Variants in SARM1 observed in about 807,000 individuals in gnomAD.
SARM1 encodes sterile alpha and TIR motif containing 1.
Under a neutral mutation model 65.1 loss-of-function variants are expected in SARM1, and 60 were observed. The observed-to-expected ratio is 0.92, with a 90% CI of 0.75 to 1.14. SARM1 has a LOEUF of 1.14. Among genes scored for constraint, SARM1 ranks in the 50% most tolerant of loss-of-function variants. The probability of loss-of-function intolerance (pLI) is 0.00; values close to 1 mark genes in which losing one functional copy is unlikely to be tolerated. For synonymous variants in SARM1, 417 were observed against 465.4 expected (o/e 0.90, Z 1.34); for missense variants, 913 against 1,015.7 (o/e 0.90, Z 1.37).
In SARM1 at chr17:28,395,929, G is replaced by T; in HGVS notation, c.1948G>T (p.Gly650Cys). 1 of 1,613,890 alleles carries T rather than the reference G, an allele frequency of 6.2e-7. No homozygotes were observed. Among genetic ancestry groups the T allele is most frequent in the Non-Finnish European group, 8.5e-7 (1 of 1,179,866 alleles). The change falls in exon 8 of 9, where the codon GGC becomes TGC. Residue 650 changes from glycine to cysteine, a missense_variant. Coordinates refer to ENST00000585482, the MANE Select transcript of SARM1 (RefSeq NM_015077.4). ...GGAGATTGTGACTGCTTTAAGCTGC[G>T]GCAAGAACATTGTGCCCATCATTGA... Reference protein sequence around the residue: ...HKEIVTALSCGKNIVPIIDGF... With the variant: ...HKEIVTALSCCKNIVPIIDGF...
Position 28,400,264 on chromosome 17 carries a change from A to G in SARM1, c.*3978A>G, listed in dbSNP as rs559501607. On this transcript the variant is annotated 3_prime_UTR_variant, in exon 9 of 9. Coordinates refer to ENST00000585482, the MANE Select transcript of SARM1 (RefSeq NM_015077.4). ...CAAGCTAGCCTGTGGCCCAGCCACA[A>G]CTAGCTGACAAAGCTTCCTGGCCTT... 12 of 298,714 alleles carry G rather than the reference A, an allele frequency of 4.0e-5. No homozygotes were observed. Among genetic ancestry groups the G allele is most frequent in the South Asian group, 2.1e-4 (5 of 24,056 alleles). The allele number at this position is 298,714 out of a possible 1,614,324, so 18.5% of individuals were successfully genotyped here. A position where few individuals can be genotyped will look rare whatever the true frequency, so the allele number is the denominator to read the frequency against.
In SARM1 at chr17:28,403,388, T is replaced by C. The variant is rs1384668098; in HGVS notation, c.*7102T>C. On this transcript the variant is annotated 3_prime_UTR_variant, in exon 9 of 9. Coordinates refer to ENST00000585482, the MANE Select transcript of SARM1 (RefSeq NM_015077.4). ...GGCTTCCTGTTTTCTTCATAACCATTTCTCTCCCTGTGCGACTGCTGACTC... is the reference window on the plus strand; with the variant it reads ...GGCTTCCTGTTTTCTTCATAACCATCTCTCTCCCTGTGCGACTGCTGACTC... 6.6e-6 allele frequency: 1 copy of C among 152,456 alleles called. No individual in the cohort carries two copies. Among genetic ancestry groups the C allele is most frequent in the Non-Finnish European group, 1.5e-5 (1 of 68,058 alleles). The allele number at this position is 152,456 out of a possible 1,614,324, so 9.4% of individuals were successfully genotyped here. A position where few individuals can be genotyped will look rare whatever the true frequency, so the allele number is the denominator to read the frequency against.
In SARM1 at chr17:28,384,735, A is replaced by G; in HGVS notation, c.1303-104A>G. Reference sequence around the variant, plus strand: ...GTCACTCGGCTCTGATCTAGGTCCCATCCGCCTCCTCCACGCCATCTCCAG... The same window carrying G: ...GTCACTCGGCTCTGATCTAGGTCCCGTCCGCCTCCTCCACGCCATCTCCAG... On this transcript the variant is annotated intron_variant, in intron 3 of 8. Coordinates refer to ENST00000585482, the MANE Select transcript of SARM1 (RefSeq NM_015077.4). The surrounding 1 kb of genome is among the most constrained non-coding windows in gnomAD (Gnocchi z 4.4). The G allele has an allele frequency of 3.9e-6, 5 of 1,268,004 alleles. No individual in the cohort carries two copies. The highest frequency in any genetic ancestry group is 2.5e-5 in the East Asian group (1 of 39,538). The allele number at this position is 1,268,004 out of a possible 1,614,324, so 78.5% of individuals were successfully genotyped here.
At position 28,384,216 on chromosome 17, in the gene SARM1, A is replaced by G. The variant is rs1164640341; in HGVS notation, c.1090-141A>G. 9 of 639,056 alleles carry G rather than the reference A, an allele frequency of 1.4e-5. No individual in the cohort carries two copies. Among genetic ancestry groups the G allele is most frequent in the Non-Finnish European group, 2.4e-5 (9 of 381,636 alleles). The allele number at this position is 639,056 out of a possible 1,614,324, so 39.6% of individuals were successfully genotyped here. A position where few individuals can be genotyped will look rare whatever the true frequency, so the allele number is the denominator to read the frequency against. ...CAGGAGGGGGAATCCGCAGGACCCC[A>G]TGACTTAGTGGCTGAAGGTGGGGCC... On this transcript the variant is annotated intron_variant, in intron 2 of 8. Coordinates refer to ENST00000585482, the MANE Select transcript of SARM1 (RefSeq NM_015077.4). The surrounding 1 kb of genome is among the most constrained non-coding windows in gnomAD (Gnocchi z 4.4).
rs1401659612 is a variant in SARM1, at chr17:28,403,099, A to C, written c.*6813A>C. 6.6e-6 allele frequency: 1 copy of C among 152,222 alleles called. No individual in the cohort carries two copies. Among genetic ancestry groups the C allele is most frequent in the Non-Finnish European group, 1.5e-5 (1 of 68,084 alleles). 9.4% of individuals were successfully genotyped at this position (152,222 alleles called of 1,614,324 possible). On this transcript the variant is annotated 3_prime_UTR_variant, in exon 9 of 9. Coordinates refer to ENST00000585482, the MANE Select transcript of SARM1 (RefSeq NM_015077.4). ...GCCCCAGAAGCTGGAAGAAATGAGA[A>C]ACACGTTCTCTCCTGGAGGCTTGCA...
chr17:28,383,536 CT>C (rs1555585561), intron 2 of SARM1, among the ~76,000 whole-genome samples: 1 of 152,124 alleles, frequency 6.6e-6, no homozygotes, highest in Non-Finnish European at 1.5e-5. Context: ...GGAAAAGGGT[CT>C]TAAAGGAAGT....
chr17:28,396,056 G>A (rs782746104), intron 8 of SARM1, 30 bp downstream of exon 8: 4 of 1,613,546 alleles, frequency 2.5e-6, no homozygotes, highest in South Asian at 2.2e-5. Context: ...GACCAGGGGG[G>A]TAGGGTACAA....
Position 28,396,577 on chromosome 17 carries a change from A to T in SARM1, c.*291A>T, listed in dbSNP as rs1249384793. The T allele has an allele frequency of 1.7e-5, 7 of 422,610 alleles. No individual in the cohort carries two copies. Among genetic ancestry groups the T allele is most frequent in the Admixed American group, 1.1e-4 (3 of 26,268 alleles). 26.2% of individuals were successfully genotyped at this position (422,610 alleles called of 1,614,324 possible). On this transcript the variant is annotated 3_prime_UTR_variant, in exon 9 of 9. Transcript: ENST00000585482. ...AGGGTCCCTGCTCAGTTCTGGAGACACTGGAGTTGGGGTGGGGGTGGTTCT... is the reference window on the plus strand; with the variant it reads ...AGGGTCCCTGCTCAGTTCTGGAGACTCTGGAGTTGGGGTGGGGGTGGTTCT...
In SARM1 at chr17:28,400,502, A is replaced by G; in HGVS notation, c.*4216A>G. 1.4e-6 allele frequency: 2 copies of G among 1,433,936 alleles called. No homozygotes were observed. The highest frequency in any genetic ancestry group is 1.9e-6 in the Non-Finnish European group (2 of 1,057,974). The allele number at this position is 1,433,936 out of a possible 1,614,324, so 88.8% of individuals were successfully genotyped here. A position where few individuals can be genotyped will look rare whatever the true frequency, so the allele number is the denominator to read the frequency against. ...GGGCAACCTGGGACAAGACACCCAG[A>G]GGGTAAGGATTCCAGGAATGAAGCT... On this transcript the variant is annotated 3_prime_UTR_variant, in exon 9 of 9. Coordinates refer to ENST00000585482, the MANE Select transcript of SARM1 (RefSeq NM_015077.4).
At position 28,401,950 on chromosome 17, in the gene SARM1, G is replaced by A. The variant is rs78537256; in HGVS notation, c.*5664G>A. On this transcript the variant is annotated 3_prime_UTR_variant, in exon 9 of 9. Coordinates refer to ENST00000585482, the MANE Select transcript of SARM1 (RefSeq NM_015077.4). ...GCATCACCACACCCATCTTACAGAC[G>A]GAAAAGCTGAGGTCTGCAGAGAGTA... 1.5e-3 allele frequency: 373 copies of A among 244,548 alleles called. 3 individuals are homozygous for A. The highest frequency in any genetic ancestry group is 7.5e-3 in the African/African-American group (337 of 44,776). The allele number at this position is 244,548 out of a possible 1,614,324, so 15.1% of individuals were successfully genotyped here.
chr17:28,389,501 T>A (rs2068070017), intron 7 of SARM1, among the ~76,000 whole-genome samples: 1 of 152,192 alleles, frequency 6.6e-6, no homozygotes, highest in Non-Finnish European at 1.5e-5. Flanking sequence ...TATTAATCAT[T>A]AATCGGTCAG....
chr17:28,389,853 C>G (rs1188834815), intron 7 of SARM1, among the ~76,000 whole-genome samples: 2 of 152,190 alleles, frequency 1.3e-5, no homozygotes, highest in African/African-American at 4.8e-5. Context: ...GCTTGGGCAA[C>G]AGAGTGGGAC....
At position 28,388,519 on chromosome 17, in the gene SARM1, T is replaced by C. The variant is rs948740126; in HGVS notation, c.1903T>C (p.Cys635Arg). ...GGACAAGTGCATGCAAGACCATGACTGCAAGGATTGGGTGCATAAGGTAGG... is the reference window on the plus strand; with the variant it reads ...GGACAAGTGCATGCAAGACCATGACCGCAAGGATTGGGTGCATAAGGTAGG... ...ALDKCMQDHD[C>R]KDWVHKEIVT... The change falls in exon 7 of 9, where the codon TGC becomes CGC. Residue 635 changes from cysteine to arginine, a missense_variant. This residue lies in a region of SARM1 where 862 missense variants were observed against 952.1 expected (regional missense o/e 0.91). Transcript: ENST00000585482. 8 of 1,613,510 alleles carry C rather than the reference T, an allele frequency of 5.0e-6. No individual in the cohort carries two copies. Among genetic ancestry groups the C allele is most frequent in the Admixed American group, 1.7e-5 (1 of 60,004 alleles).
intron 7 of SARM1, 143 bp from the exon 8 acceptor site, chr17:28,395,762 A>T: frequency 1.3e-6 from 1 of 791,316 alleles, no homozygotes; most frequent in African/African-American, 1.7e-5. Context: ...TACAAGGGTT[A>T]AGGTAGACAT....
At chr17:28,380,456 GCGCCAAGGCC>G (rs1555585060) in intron 1 of SARM1, among the ~76,000 whole-genome samples, 1 of 152,128 alleles carries the variant, frequency 6.6e-6, no homozygotes, top group Non-Finnish European at 1.5e-5. Flanking sequence ...TGTTTTGCTA[GCGCCAAGGCC>G]CTATCACTAC....
rs781913886 is a variant in SARM1, at chr17:28,384,682, G to A, written c.1302+113G>A. 4 of 1,285,044 alleles carry A rather than the reference G, an allele frequency of 3.1e-6. No homozygotes were observed. Among genetic ancestry groups the A allele is most frequent in the African/African-American group, 1.5e-5 (1 of 67,610 alleles). The allele number at this position is 1,285,044 out of a possible 1,614,324, so 79.6% of individuals were successfully genotyped here. ...CGGCGCCAGGGTCGCTTTTGGGGGC[G>A]GGGAGCCTGTACGCAGCCACCGTTA... On this transcript the variant is annotated intron_variant, in intron 3 of 8. Coordinates refer to ENST00000585482, the MANE Select transcript of SARM1 (RefSeq NM_015077.4). The surrounding 1 kb of genome is among the most constrained non-coding windows in gnomAD (Gnocchi z 4.4).
At position 28,399,406 on chromosome 17, in the gene SARM1, C is replaced by T; in HGVS notation, c.*3120C>T. Reference sequence around the variant, plus strand: ...GCAGAAAGGGAGAACTGACTCCTGTCCCAAATAGCTCCTCTGCCACCTGTC... The same window carrying T: ...GCAGAAAGGGAGAACTGACTCCTGTTCCAAATAGCTCCTCTGCCACCTGTC... On this transcript the variant is annotated 3_prime_UTR_variant, in exon 9 of 9. Transcript: ENST00000585482. 1 of 529,312 alleles carries T rather than the reference C, an allele frequency of 1.9e-6. No homozygotes were observed. The highest frequency in any genetic ancestry group is 3.2e-5 in the East Asian group (1 of 31,434). The allele number at this position is 529,312 out of a possible 1,614,324, so 32.8% of individuals were successfully genotyped here.
At chr17:28,390,349 T>C (rs1447463355) in intron 7 of SARM1, among the ~76,000 whole-genome samples, 1 of 152,162 alleles carries the variant, frequency 6.6e-6, no homozygotes, top group Non-Finnish European at 1.5e-5. Flanking sequence ...AAAATGTTTC[T>C]TATCAGACTT....
At chr17:28,394,083 C>G (rs183039050) in intron 7 of SARM1, among the ~76,000 whole-genome samples, 1 of 152,292 alleles carries the variant, frequency 6.6e-6, no homozygotes, top group African/African-American at 2.4e-5. Flanking sequence ...CTGTGGCCAA[C>G]CACATAGGGT....
Sources: allele counts gnomAD v4.1 joint callset (sites outside exome capture counted in the v4.1 genomes callset), GRCh38; gene constraint gnomAD v4.1.1; regional missense constraint gnomAD v4.1.1; non-coding constraint Gnocchi (gnomAD v3.1); transcripts MANE v1.5; gene names NCBI Gene and HGNC (gene_info 2026-07-23, HGNC 2026-07-21).